The following ATP13A3 variants were observed in gnomAD, a reference collection of about 807,000 sequenced individuals.
ATP13A3 encodes ATPase 13A3, also known as polyamine-transporting ATPase 13A3.
Under a neutral mutation model 158.1 loss-of-function variants are expected in ATP13A3, and 59 were observed. The observed-to-expected ratio is 0.37, with a 90% CI of 0.30 to 0.46. The LOEUF (loss-of-function observed/expected upper bound fraction) is 0.46. Ranked by LOEUF, ATP13A3 falls within the 20% of genes least tolerant of loss-of-function variation. ATP13A3 has a pLI of 1.00. For synonymous variants in ATP13A3, 491 were observed against 504.3 expected, an observed-to-expected ratio of 0.97 and a Z score of 0.35; for missense variants, 1,166 against 1,525.2, an observed-to-expected ratio of 0.76 and a Z score of 3.92.
At chr3:194,487,077 G>A (rs1487210786), upstream of ATP13A3, 1 of 151,976 alleles carries the variant, frequency 6.6e-6, no homozygotes, top group Non-Finnish European at 1.5e-5. Flanking sequence ...GACGTCAGGA[G>A]GCGGGGAAGG....
chr3:194,470,166 C>T (rs1359437335), intron 2 of ATP13A3, among the ~76,000 whole-genome samples: 2 of 152,164 alleles, frequency 1.3e-5, no homozygotes, highest in Non-Finnish European at 2.9e-5. Flanking sequence ...CCATCTTGGA[C>T]TTTCTCTTAT....
intron 26 of ATP13A3, 104 bp from the exon 27 acceptor site, chr3:194,429,878 A>G (rs1717091668): frequency 1.8e-6 from 2 of 1,121,712 alleles, no homozygotes; most frequent in African/African-American, 1.6e-5. Flanking sequence ...TTCAACGGCT[A>G]CAACAAAGTG....
intron 31 of ATP13A3, among the ~76,000 whole-genome samples, chr3:194,418,896 G>A (rs761724756): frequency 2.6e-5 from 4 of 152,122 alleles, no homozygotes; most frequent in African/African-American, 4.8e-5. Flanking sequence ...ACTTCTACTG[G>A]GCTTAATCAC....
intron 6 of ATP13A3, among the ~76,000 whole-genome samples, chr3:194,458,310 T>C (rs1433798239): frequency 6.7e-6 from 1 of 150,172 alleles, no homozygotes; most frequent in Non-Finnish European, 1.5e-5. Flanking sequence ...TGATGACTTC[T>C]CCAGAAGGCA....
Position 194,486,986 on chromosome 3 carries a change from C to G in ATP13A3, c.-509G>C, listed in dbSNP as rs1721022437. ...GAGCCGGCAGGCAGGCGGGGGAGCG[C>G]GCGCGGGCTCAGGACTCCCGCGCCG... is the stretch of plus-strand genomic sequence containing the variant. On this transcript the variant is annotated 5_prime_UTR_variant, in exon 1 of 34. Coordinates refer to ENST00000645319, the MANE Select transcript of ATP13A3 (RefSeq NM_001367549.1). 6.6e-6 allele frequency: 1 copy of G among 151,952 alleles called. No individual in the cohort carries two copies. The highest frequency in any genetic ancestry group is 2.1e-4 in the South Asian group (1 of 4,830). The allele number at this position is 151,952 out of a possible 1,614,324, so 9.4% of individuals were successfully genotyped here.
At chr3:194,451,775 A>C (rs13082706) in intron 10 of ATP13A3, 58,515 of 152,266 alleles carry the variant, frequency 0.38, 15,624 homozygotes, top group African/African-American at 0.77. Flanking sequence ...AAATATTACC[A>C]TTCTTGCAAG....
intron 6 of ATP13A3, among the ~76,000 whole-genome samples, chr3:194,458,218 T>C (rs1719379701): frequency 1.3e-5 from 2 of 152,030 alleles, no homozygotes. Context: ...CTTCAATCAA[T>C]GGAGTAAGTT....
intron 2 of ATP13A3, among the ~76,000 whole-genome samples, chr3:194,477,901 C>T (rs1192624009): frequency 1.3e-5 from 2 of 152,148 alleles, no homozygotes; most frequent in Non-Finnish European, 2.9e-5. Flanking sequence ...GGTTGAATAC[C>T]TCTGTGTCTT....
intron 2 of ATP13A3, among the ~76,000 whole-genome samples, chr3:194,466,758 A>T (rs1038146647): frequency 8.5e-5 from 13 of 152,194 alleles, no homozygotes; most frequent in African/African-American, 3.1e-4. Context: ...GGCTGAAATG[A>T]GAGAACCACT....
intron 33 of ATP13A3, among the ~76,000 whole-genome samples, chr3:194,411,127 G>C (rs562644612): frequency 2.2e-4 from 33 of 151,762 alleles, no homozygotes; most frequent in African/African-American, 7.7e-4. Context: ...ATTAGAAAAC[G>C]GAAATGGTAC....
chr3:194,468,789 C>T (rs1431023555), intron 2 of ATP13A3, among the ~76,000 whole-genome samples: 1 of 152,112 alleles, frequency 6.6e-6, no homozygotes, highest in Non-Finnish European at 1.5e-5. Flanking sequence ...AAAGTTCAGG[C>T]AAAGCAATTT....
Position 194,405,772 on chromosome 3 carries a change from A to T in ATP13A3, c.*147T>A. On this transcript the variant is annotated 3_prime_UTR_variant, in exon 34 of 34. Coordinates refer to ENST00000645319, the MANE Select transcript of ATP13A3 (RefSeq NM_001367549.1). Reference sequence around the variant, plus strand: ...CGATATATTTTTCTGTTTTTATTTTAAGGAAGAGCAAAGCTGTCAAATAAG... The same window carrying T: ...CGATATATTTTTCTGTTTTTATTTTTAGGAAGAGCAAAGCTGTCAAATAAG... 1 of 781,902 alleles carries T rather than the reference A, an allele frequency of 1.3e-6. No individual in the cohort carries two copies. Among genetic ancestry groups the T allele is most frequent in the Non-Finnish European group, 2.0e-6 (1 of 494,138 alleles). The allele number at this position is 781,902 out of a possible 1,614,324, so 48.4% of individuals were successfully genotyped here. A position where few individuals can be genotyped will look rare whatever the true frequency, so the allele number is the denominator to read the frequency against.
chr3:194,412,178 C>T, intron 33 of ATP13A3, 21 bp downstream of exon 33: 1 of 1,527,890 alleles, frequency 6.5e-7, no homozygotes, highest in Non-Finnish European at 8.8e-7. Context: ...CAAGAATTGA[C>T]AGGAAGTGCT....
At chr3:194,463,045 G>T (rs1719767433) in intron 2 of ATP13A3, among the ~76,000 whole-genome samples, 1 of 152,160 alleles carries the variant, frequency 6.6e-6, no homozygotes, top group Admixed American at 6.5e-5. Flanking sequence ...CACTAGCAAT[G>T]AAACCAAGCC....
At chr3:194,406,566 A>G (rs1413634005) in intron 33 of ATP13A3, among the ~76,000 whole-genome samples, 1 of 152,178 alleles carries the variant, frequency 6.6e-6, no homozygotes, top group Non-Finnish European at 1.5e-5. Context: ...TGGATTCTTT[A>G]CCACAGAATA....
chr3:194,425,048 TC>T (rs763587612), intron 30 of ATP13A3, among the ~76,000 whole-genome samples: 17 of 152,140 alleles, frequency 1.1e-4, no homozygotes, highest in Non-Finnish European at 2.4e-4. Context: ...CTGAGGAACC[TC>T]CGTCTCCACT....
rs777934689 is a variant in ATP13A3, at chr3:194,412,259, T to C, written c.3513A>G (p.Lys1171=). The change falls in exon 33 of 34, where the codon AAA becomes AAG. Residue 1171 remains lysine, a synonymous_variant. Transcript: ENST00000645319. ...ENFFLDMVLW[K]VVFNRDKQGE... is the part of the protein sequence containing the mutation. ...CTTGTTTGTCTCGGTTGAACACAAC[T>C]TTCCAAAGGACCATGTCAAGGAAGA... is the stretch of plus-strand genomic sequence containing the variant. 20 of 1,536,438 alleles carry C rather than the reference T, an allele frequency of 1.3e-5. No individual in the cohort carries two copies. Among genetic ancestry groups the C allele is most frequent in the Non-Finnish European group, 1.6e-5 (18 of 1,146,978 alleles).
At chr3:194,424,494 G>A (rs1378735151) in intron 30 of ATP13A3, 1 of 152,084 alleles carries the variant, frequency 6.6e-6, no homozygotes, top group Admixed American at 6.5e-5. Context: ...CCTTATAAAT[G>A]CTAATATGAG....
chr3:194,410,238 T>C (rs1320135742), intron 33 of ATP13A3, among the ~76,000 whole-genome samples: 2 of 129,428 alleles, frequency 1.5e-5, no homozygotes, highest in Non-Finnish European at 3.1e-5. Flanking sequence ...GGCAGGCAGA[T>C]GGCTTGAACC....
Sources: allele counts gnomAD v4.1 joint callset (sites outside exome capture counted in the v4.1 genomes callset), GRCh38; gene constraint gnomAD v4.1.1; transcripts MANE v1.5; gene names NCBI Gene and HGNC (gene_info 2026-07-23, HGNC 2026-07-21).